Variants in PML observed in about 807,000 individuals in gnomAD.
PML encodes protein PML.
PML carries 28 observed loss-of-function variants against 65.2 expected under a neutral mutation model. The observed-to-expected ratio is 0.43, with a 90% CI of 0.32 to 0.59. The LOEUF (loss-of-function observed/expected upper bound fraction) is 0.59. Ranked by LOEUF, PML falls within the 20% of genes least tolerant of loss-of-function variation. PML has a pLI of 0.08. For missense variants in PML, 1,021 were observed against 1,203.4 expected, an observed-to-expected ratio of 0.85 and a Z score of 2.24; for synonymous variants, 500 against 508.8, an observed-to-expected ratio of 0.98 and a Z score of 0.23.
rs756907429 is a variant in PML at position 74,036,105 on chromosome 15, A to AC, written c.1710+1577dup. 9 of 1,613,038 alleles carry AC rather than the reference A, an allele frequency of 5.6e-6. No individual in the cohort carries two copies. The African/African-American group carries it at 1.2e-4, about 22-fold the overall frequency. On this transcript the variant is annotated intron_variant, in intron 7 of 8. Transcript: ENST00000268058. ...TCAACGAATGAATGGCTATGCATGG[A>AC]CCTCTGGGCAGGGAGACCTGGGTCT... is the stretch of plus-strand genomic sequence containing the variant.
At chr15:74,020,416 A>G (rs558374426) in intron 2 of PML, among the ~76,000 whole-genome samples, 1 of 151,290 alleles carries the variant, frequency 6.6e-6, no homozygotes, top group South Asian at 2.1e-4. Context: ...CAGCCTCCCA[A>G]GTAGCTGGGA....
intron 2 of PML, 147 bp from the exon 3 acceptor site, chr15:74,022,681 C>T (rs1403524917): frequency 1.3e-6 from 1 of 741,712 alleles, no homozygotes; most frequent in African/African-American, 1.7e-5. Context: ...TCACCATAAC[C>T]ACAAACACTG....
At chr15:74,011,126 A>G (rs1163160505) in intron 2 of PML, among the ~76,000 whole-genome samples, 1 of 152,176 alleles carries the variant, frequency 6.6e-6, no homozygotes, top group Non-Finnish European at 1.5e-5. Flanking sequence ...CCATTCACAG[A>G]AGGGTTTACT....
chr15:74,035,513 G>C lies in PML; in HGVS notation c.1710+983G>C, dbSNP rs528725581. 2 of 1,611,348 alleles carry C rather than the reference G, an allele frequency of 1.2e-6. No homozygotes were observed. Among genetic ancestry groups the C allele is most frequent in the Non-Finnish European group, 1.7e-6 (2 of 1,179,612 alleles). On this transcript the variant is annotated intron_variant, in intron 7 of 8. Coordinates refer to ENST00000268058, the MANE Select transcript of PML (RefSeq NM_033238.3). The surrounding 1 kb of genome is among the most constrained non-coding windows in gnomAD (Gnocchi z 4.1). ...CTCAATTGCATCGGGCCCCTATTCG[G>C]ACTTGGTCTCCCCATGTGGTCCAAG...
At position 74,044,900 on chromosome 15, in the gene PML, C is replaced by T; in HGVS notation, c.2541C>T (p.Gly847=). 1 of 1,613,578 alleles carries T rather than the reference C, an allele frequency of 6.2e-7. No homozygotes were observed. Among genetic ancestry groups the T allele is most frequent in the Non-Finnish European group, 8.5e-7 (1 of 1,180,020 alleles). Residue 847 remains glycine (G), a synonymous_variant, in exon 9 of 9, where the codon GGC becomes GGT. Transcript: ENST00000268058. ...CTGCTTTCAACCTGCAGGCTCTGGG[C>T]ACCTACTTTGAAGGCCTGTTGGAGG... ...AQPAFNLQAL[G]TYFEGLLEGP...
At chr15:74,025,151 TG>T in intron 4 of PML, 1 of 564,268 alleles carries the variant, frequency 1.8e-6, no homozygotes, top group Non-Finnish European at 3.2e-6. Context: ...TTGCTCTTGA[TG>T]GGCCATGAGC....
chr15:74,037,869 A>G lies in PML; in HGVS notation c.1710+3339A>G, dbSNP rs2071607315. The G allele has an allele frequency of 3.8e-6, 1 of 261,902 alleles. No individual in the cohort carries two copies. The highest frequency in any genetic ancestry group is 1.4e-4 in the South Asian group (1 of 7,024). 16.2% of individuals were successfully genotyped at this position (261,902 alleles called of 1,614,324 possible). A position where few individuals can be genotyped will look rare whatever the true frequency, so the allele number is the denominator to read the frequency against. On this transcript the variant is annotated intron_variant, in intron 7 of 8. Coordinates refer to ENST00000268058, the MANE Select transcript of PML (RefSeq NM_033238.3). The surrounding 1 kb of genome is among the most constrained non-coding windows in gnomAD (Gnocchi z 4.2). ...ACGCCCCTGACTTCAGTTACTGCCCAGGGGTAGCTGATACCCAACACTCGC... is the reference window on the plus strand; with the variant it reads ...ACGCCCCTGACTTCAGTTACTGCCCGGGGGTAGCTGATACCCAACACTCGC...
In PML at chr15:74,033,299, C is replaced by T; in HGVS notation, c.1542C>T (p.Ser514=). The part of the protein sequence containing the change: ...SSPEQPRPST[S]KAVSPPHLDG... Reference sequence around the variant, plus strand: ...CGGAGCAGCCCAGGCCCAGCACCTCCAAGGCAGTCTCACCACCCCACCTGG... The same window carrying T: ...CGGAGCAGCCCAGGCCCAGCACCTCTAAGGCAGTCTCACCACCCCACCTGG... Residue 514 remains serine, a synonymous_variant, in exon 6 of 9, where the codon TCC becomes TCT. Transcript: ENST00000268058. 1 of 1,614,214 alleles carries T rather than the reference C, an allele frequency of 6.2e-7. No homozygotes were observed. Among genetic ancestry groups the T allele is most frequent in the African/African-American group, 1.3e-5 (1 of 75,048 alleles).
At chr15:74,017,437 A>G (rs1194093252) in intron 2 of PML, among the ~76,000 whole-genome samples, 1 of 152,068 alleles carries the variant, frequency 6.6e-6, no homozygotes, top group Non-Finnish European at 1.5e-5. Context: ...ACCTGAGGTC[A>G]GGAGATCGAG....
chr15:74,035,927 A>G lies in PML; in HGVS notation c.1710+1397A>G, dbSNP rs377715350. 1.4e-5 allele frequency: 23 copies of G among 1,613,896 alleles called. No homozygotes were observed. In the African/African-American group the frequency reaches 2.5e-4, roughly 18 times the overall value. ...AAAGGCCCCCCATCAGCCCAGTCCC[A>G]GGCGCCCGTCAAGCAGGCCTCTGAG... On this transcript the variant is annotated intron_variant, in intron 7 of 8. Coordinates refer to ENST00000268058, the MANE Select transcript of PML (RefSeq NM_033238.3). This position sits in a 1 kb window ranked among gnomAD's most constrained non-coding sequence, Gnocchi z 4.1.
At chr15:74,030,968 A>G (rs949091437) in intron 4 of PML, among the ~76,000 whole-genome samples, 1 of 150,704 alleles carries the variant, frequency 6.6e-6, no homozygotes, top group Non-Finnish European at 1.5e-5. Context: ...TTTTCTTTTT[A>G]ATTTTCAGAG....
At chr15:74,032,413 G>A in intron 4 of PML, 159 bp from the exon 5 acceptor site, 1 of 735,672 alleles carries the variant, frequency 1.4e-6, no homozygotes, top group Non-Finnish European at 2.4e-6. Flanking sequence ...TGGAGAGTTT[G>A]GAGGACTTCT....
Position 74,046,512 on chromosome 15 carries a change from G to A in PML, c.*1504G>A, listed in dbSNP as rs1227333924. ...TGAAGACCCACTGAGGAATTCCGTA[G>A]GGTCTTGTTCCCACGACCGGAGTGC... On this transcript the variant is annotated 3_prime_UTR_variant, in exon 9 of 9. Transcript: ENST00000268058. The A allele has an allele frequency of 8.6e-6, 2 of 232,720 alleles. No homozygotes were observed. The highest frequency in any genetic ancestry group is 8.5e-6 in the Non-Finnish European group (1 of 117,756). The allele number at this position is 232,720 out of a possible 1,614,324, so 14.4% of individuals were successfully genotyped here.
rs140925157 is a variant in PML at position 74,044,644 on chromosome 15, G to A, written c.2285G>A (p.Gly762Asp). 18 of 1,605,378 alleles carry A rather than the reference G, an allele frequency of 1.1e-5. No homozygotes were observed. Among genetic ancestry groups the A allele is most frequent in the Non-Finnish European group, 1.4e-5 (17 of 1,179,882 alleles). Residue 762 changes from glycine (G) to aspartate (D), a missense_variant, in exon 9 of 9, where the codon GGC becomes GAC. By Grantham distance (94) the Gly-to-Asp change is moderately conservative (BLOSUM62 -1). Transcript: ENST00000268058. ...TGCCGCCTCCTCGAGGTCTCCCCGG[G>A]CCCCCAGCTGGCCCAGCATGTCTAC... ...DLCRLLEVSP[G>D]PQLAQHVYPF... is the part of the protein sequence containing the mutation.
chr15:73,994,989 G>C, intron 1 of PML, 48 bp downstream of exon 1: 1 of 1,470,502 alleles, frequency 6.8e-7, no homozygotes, highest in Non-Finnish European at 9.1e-7. Context: ...TTGGTTTGCT[G>C]TGGTGGGGAG....
chr15:74,006,241 A>G (rs1384819023), intron 2 of PML, among the ~76,000 whole-genome samples: 1 of 152,028 alleles, frequency 6.6e-6, no homozygotes, highest in Non-Finnish European at 1.5e-5. Flanking sequence ...AAATATAAAA[A>G]TTCGCCAGGC....
chr15:74,033,092 G>A, intron 5 of PML, 64 bp from the exon 6 acceptor site: 1 of 1,586,404 alleles, frequency 6.3e-7, no homozygotes, highest in Non-Finnish European at 8.6e-7. Flanking sequence ...CTGGCAGTCA[G>A]GGCAGGCTCT....
chr15:74,018,680 A>T (rs1427493960), intron 2 of PML, among the ~76,000 whole-genome samples: 1 of 152,134 alleles, frequency 6.6e-6, no homozygotes, highest in Non-Finnish European at 1.5e-5. Context: ...GAATGGGAAG[A>T]TGGATTTTTT....
chr15:74,044,359 G>A lies in PML; in HGVS notation c.2000G>A (p.Ser667Asn), dbSNP rs1270993926. ...VGLQHFLSFL[S>N]SMRRPILACY... ...CTGCAGCACTTCCTCAGCTTTCTGA[G>A]CTCCATGCGCCGCCCTATCTTGGCC... The change falls in exon 9 of 9, where the codon AGC becomes AAC. Residue 667 changes from serine to asparagine, a missense_variant. By Grantham distance (46) the Ser-to-Asn change is conservative (BLOSUM62 1). Coordinates refer to ENST00000268058, the MANE Select transcript of PML (RefSeq NM_033238.3). The A allele has an allele frequency of 5.6e-6, 9 of 1,614,224 alleles. No homozygotes were observed. The East Asian group carries it at 2.0e-4, about 36-fold the overall frequency.
Sources: gnomAD v4.1 joint callset for allele counts (sites outside exome capture counted in the v4.1 genomes callset) on GRCh38, gnomAD v4.1.1 for gene constraint, Gnocchi (gnomAD v3.1) non-coding constraint, MANE v1.5 for transcripts, NCBI Gene and HGNC (gene_info 2026-07-23, HGNC 2026-07-21) for gene names.